The following GPHN variants were observed in gnomAD, a reference collection of about 807,000 sequenced individuals.
GPHN encodes gephyrin.
A neutral mutation model predicts 95.5 loss-of-function variants in GPHN; 17 were observed. The observed-to-expected ratio is 0.18, with a 90% CI of 0.12 to 0.27. GPHN has a LOEUF of 0.27. Ranked by LOEUF, GPHN falls within the 10% of genes least tolerant of loss-of-function variation. The probability of loss-of-function intolerance (pLI) is 1.00; values close to 1 mark genes in which losing one functional copy is unlikely to be tolerated. For synonymous variants in GPHN, 320 were observed against 322.5 expected (o/e 0.99, Z 0.08); for missense variants, 660 against 978.1 (o/e 0.67, Z 4.34).
intron 1 of GPHN, among the ~76,000 whole-genome samples, chr14:66,547,557 T>C (rs1187505063): frequency 6.6e-6 from 1 of 152,192 alleles, no homozygotes; most frequent in Non-Finnish European, 1.5e-5. Context: ...CCTTTAGGTT[T>C]TATAAAGCTT....
intron 9 of GPHN, among the ~76,000 whole-genome samples, chr14:66,995,241 C>G (rs769381006): frequency 1.3e-5 from 2 of 152,150 alleles, no homozygotes; most frequent in Non-Finnish European, 2.9e-5. Flanking sequence ...CAGGGAAGAA[C>G]ATTATCAGTT....
At chr14:67,642,597 G>A in the GPHN span, among the ~76,000 whole-genome samples, 1 of 152,092 alleles carries the variant, frequency 6.6e-6, no homozygotes, top group Non-Finnish European at 1.5e-5. Context: ...TTCAGACACA[G>A]CAAGTTCAGA....
the GPHN span, chr14:67,340,258 T>C: frequency 2.0e-5 from 11 of 557,910 alleles, no homozygotes; most frequent in Admixed American, 3.0e-5. Context: ...TATAGGTACA[T>C]GTAAAATTTG....
chr14:67,304,946 A>G, the GPHN span, among the ~76,000 whole-genome samples: 2 of 152,220 alleles, frequency 1.3e-5, no homozygotes, highest in African/African-American at 4.8e-5. Flanking sequence ...GGTATGCTTT[A>G]TAGTTTGGCT....
chr14:66,824,803 A>T (rs1290953993), intron 4 of GPHN, among the ~76,000 whole-genome samples: 1 of 152,120 alleles, frequency 6.6e-6, no homozygotes, highest in East Asian at 1.9e-4. Flanking sequence ...GTCCAGAGGT[A>T]ATCTGTCATT....
At chr14:66,719,235 C>T (rs374228888) in intron 2 of GPHN, among the ~76,000 whole-genome samples, 1 of 152,172 alleles carries the variant, frequency 6.6e-6, no homozygotes, top group East Asian at 1.9e-4. Context: ...TGCCTCTGGC[C>T]GCCCTCCAGA....
intron 8 of GPHN, among the ~76,000 whole-genome samples, chr14:66,948,930 T>C (rs1326074733): frequency 1.3e-5 from 2 of 152,178 alleles, no homozygotes; most frequent in Non-Finnish European, 2.9e-5. Flanking sequence ...CCTAAGTAGC[T>C]GGGAGCACAG....
chr14:66,889,350 A>AT (rs2064355357), intron 5 of GPHN, among the ~76,000 whole-genome samples: 2 of 152,200 alleles, frequency 1.3e-5, no homozygotes, highest in South Asian at 4.1e-4. Context: ...AGGCTACAAA[A>AT]TAAGTTTCAA....
chr14:66,985,504 C>T (rs2070963006), intron 9 of GPHN, among the ~76,000 whole-genome samples: 1 of 151,974 alleles, frequency 6.6e-6, no homozygotes, highest in South Asian at 2.1e-4. Context: ...TTCTAGGGAC[C>T]AGCCTATTTG....
the GPHN span, among the ~76,000 whole-genome samples, chr14:67,377,550 C>G: frequency 3.3e-5 from 5 of 152,212 alleles, no homozygotes; most frequent in Non-Finnish European, 5.9e-5. Flanking sequence ...ACTTACATAT[C>G]TCTGTCCCAC....
chr14:66,615,164 A>G (rs368265354), intron 1 of GPHN, among the ~76,000 whole-genome samples: 19 of 152,178 alleles, frequency 1.2e-4, no homozygotes, highest in East Asian at 7.7e-4. Context: ...TAGTGCTGCA[A>G]TAAACATACC....
chr14:67,620,952 G>A, the GPHN span: 6 of 1,614,112 alleles, frequency 3.7e-6, no homozygotes, highest in Non-Finnish European at 5.1e-6. Flanking sequence ...TTGATGAAAA[G>A]GCTCTCCAGT....
chr14:67,592,632 C>A, the GPHN span: 2 of 1,564,062 alleles, frequency 1.3e-6, no homozygotes, highest in Admixed American at 3.3e-5. Context: ...ATTCTATGCT[C>A]ACCTGGAAGA....
At chr14:67,057,764 G>T (rs569629140) in intron 10 of GPHN, among the ~76,000 whole-genome samples, 5 of 151,546 alleles carry the variant, frequency 3.3e-5, no homozygotes, top group African/African-American at 9.7e-5. Flanking sequence ...CATTCTTCAT[G>T]GCAGGATATA....
chr14:66,579,555 GTTATAC>G (rs1352156083), intron 1 of GPHN, among the ~76,000 whole-genome samples: 2 of 151,780 alleles, frequency 1.3e-5, no homozygotes, highest in African/African-American at 4.8e-5. Context: ...AGCAGAGGTT[GTTATAC>G]TTAGATGAAA....
the GPHN span, among the ~76,000 whole-genome samples, chr14:67,560,813 C>T: frequency 6.6e-6 from 1 of 151,148 alleles, no homozygotes; most frequent in Non-Finnish European, 1.5e-5. Flanking sequence ...TCTCTGCAAC[C>T]TCTGCCTCCT....
At chr14:66,642,964 C>T (rs189257281) in intron 1 of GPHN, among the ~76,000 whole-genome samples, 1 of 151,762 alleles carries the variant, frequency 6.6e-6, no homozygotes, top group African/African-American at 2.4e-5. Context: ...AAAATTGATA[C>T]ATTGGATCAC....
Position 66,968,022 on chromosome 14 carries a change from A to G in GPHN, c.963+2697A>G, listed in dbSNP as rs569917816. 1.4e-4 allele frequency among the ~76,000 whole-genome samples: 21 copies of G among 152,156 alleles called. No individual in the cohort carries two copies. In the South Asian group the frequency reaches 4.4e-3, roughly 32 times the overall value. On this transcript the variant is annotated intron_variant, in intron 9 of 22. Coordinates refer to ENST00000478722, the MANE Select transcript of GPHN (RefSeq NM_020806.5). Reference sequence around the variant, plus strand: ...GTCTAATTCAGTGATGTCAACAGCCAATTTCAAATATCTGTTCTTTTTTAT... The same window carrying G: ...GTCTAATTCAGTGATGTCAACAGCCGATTTCAAATATCTGTTCTTTTTTAT...
At chr14:67,254,497 T>C in the GPHN span, among the ~76,000 whole-genome samples, 1 of 152,196 alleles carries the variant, frequency 6.6e-6, no homozygotes. Flanking sequence ...TAAAAGTTAA[T>C]TGTACTCTAA....
Sources: allele counts gnomAD v4.1 joint callset (sites outside exome capture counted in the v4.1 genomes callset), GRCh38; gene constraint gnomAD v4.1.1; transcripts MANE v1.5; gene names NCBI Gene and HGNC (gene_info 2026-07-23, HGNC 2026-07-21).